RBFOX3: variants seen among roughly 807,000 people sequenced by gnomAD.
The protein encoded by RBFOX3 is RNA binding protein fox-1 homolog 3.
Under a neutral mutation model 48.7 loss-of-function variants are expected in RBFOX3, and 17 were observed. The ratio of observed to expected loss-of-function variants is 0.35; its 90% CI spans 0.24 to 0.52. The LOEUF (loss-of-function observed/expected upper bound fraction) is 0.52, where lower values mean the gene tolerates loss of function less well. Ranked by LOEUF, RBFOX3 falls within the 20% of genes least tolerant of loss-of-function variation. The pLI, the probability that RBFOX3 is intolerant of heterozygous loss-of-function variation, is 0.94. For synonymous variants in RBFOX3, 212 were observed against 209.5 expected (o/e 1.01, Z -0.10); for missense variants, 382 against 497.5 (o/e 0.77, Z 2.21).
chr17:79,452,605 C>T (rs2073737174), intron 2 of RBFOX3, among the ~76,000 whole-genome samples: 1 of 152,076 alleles, frequency 6.6e-6, no homozygotes, highest in African/African-American at 2.4e-5. Context: ...GAAGTTAGGG[C>T]CATCAGGGGA....
Position 79,479,654 on chromosome 17 carries a change from C to T in RBFOX3, c.-175+2800G>A, listed in dbSNP as rs1378651503. On this transcript the variant is annotated intron_variant, in intron 2 of 14. Coordinates refer to ENST00000693108, the MANE Select transcript of RBFOX3 (RefSeq NM_001350451.2). This position sits in a 1 kb window ranked among gnomAD's most constrained non-coding sequence, Gnocchi z 5.1. ...CCCCACCAACCCTGGACTTCCCAGA[C>T]GCTCCCTCGGGGGTGGGCTGGTCTT... is the stretch of plus-strand genomic sequence containing the variant. Among the ~76,000 whole-genome samples the T allele has an allele frequency of 3.3e-5, 5 of 152,256 alleles. No individual in the cohort carries two copies. The highest frequency in any genetic ancestry group is 7.2e-5 in the African/African-American group (3 of 41,474).
At chr17:79,137,219 C>T (rs1052108784) in intron 4 of RBFOX3, among the ~76,000 whole-genome samples, 2 of 144,980 alleles carry the variant, frequency 1.4e-5, no homozygotes, top group African/African-American at 2.6e-5. Context: ...GACATGTGCT[C>T]ACACAGACCC....
intron 1 of RBFOX3, among the ~76,000 whole-genome samples, chr17:79,486,079 G>A (rs2079548363): frequency 1.3e-5 from 2 of 152,248 alleles, no homozygotes; most frequent in Non-Finnish European, 2.9e-5. Flanking sequence ...CTCGCCCCAG[G>A]CTTGTGGCTG....
intron 2 of RBFOX3, among the ~76,000 whole-genome samples, chr17:79,371,184 G>T (rs541671201): frequency 2.9e-4 from 44 of 152,338 alleles, no homozygotes; most frequent in African/African-American, 1.0e-3. Context: ...CATGGCGAGG[G>T]GCCACAGTGG....
At chr17:79,201,040 C>T (rs2056673684) in intron 4 of RBFOX3, among the ~76,000 whole-genome samples, 1 of 152,042 alleles carries the variant, frequency 6.6e-6, no homozygotes, top group Non-Finnish European at 1.5e-5. Flanking sequence ...ACGACTCCTT[C>T]TCTCCTCTCT....
At chr17:79,433,954 T>C (rs1337548741) in intron 2 of RBFOX3, among the ~76,000 whole-genome samples, 4 of 152,174 alleles carry the variant, frequency 2.6e-5, no homozygotes, top group Non-Finnish European at 5.9e-5. Context: ...TTTGTTAACA[T>C]TGAACTCACG....
chr17:79,254,983 G>A lies in RBFOX3; in HGVS notation c.-73-19178C>T, dbSNP rs544591423. ...GCCCTGAGCCCTCTATCCTGGGCAG[G>A]AACTGTGGGTCAGAGCGGAGGGCAG... is the stretch of plus-strand genomic sequence containing the variant. On this transcript the variant is annotated intron_variant, in intron 3 of 14. Coordinates refer to ENST00000693108, the MANE Select transcript of RBFOX3 (RefSeq NM_001350451.2). This position sits in a 1 kb window ranked among gnomAD's most constrained non-coding sequence, Gnocchi z 4.8. Among the ~76,000 whole-genome samples, 3 of 152,198 alleles carry A rather than the reference G, an allele frequency of 2.0e-5. No homozygotes were observed. Among genetic ancestry groups the A allele is most frequent in the Admixed American group, 1.3e-4 (2 of 15,280 alleles).
In RBFOX3 at chr17:79,479,703, G is replaced by A. The variant is rs907180019; in HGVS notation, c.-175+2751C>T. ...TTGTACTTTCACTGTTGATGACCCCGAGGATTTACCTATTTGGGGGACACA... is the reference window on the plus strand; with the variant it reads ...TTGTACTTTCACTGTTGATGACCCCAAGGATTTACCTATTTGGGGGACACA... On this transcript the variant is annotated intron_variant, in intron 2 of 14. Coordinates refer to ENST00000693108, the MANE Select transcript of RBFOX3 (RefSeq NM_001350451.2). The surrounding 1 kb of genome is among the most constrained non-coding windows in gnomAD (Gnocchi z 5.1). 2.0e-5 allele frequency among the ~76,000 whole-genome samples: 3 copies of A among 152,164 alleles called. No individual in the cohort carries two copies. The highest frequency in any genetic ancestry group is 6.5e-5 in the Admixed American group (1 of 15,278).
chr17:79,500,083 G>C (rs1408135538), intron 1 of RBFOX3, among the ~76,000 whole-genome samples: 1 of 152,064 alleles, frequency 6.6e-6, no homozygotes, highest in Non-Finnish European at 1.5e-5. Context: ...TGCCATGGTT[G>C]GCTCCCTGGT....
chr17:79,451,491 C>T (rs2073500885), intron 2 of RBFOX3, among the ~76,000 whole-genome samples: 1 of 152,200 alleles, frequency 6.6e-6, no homozygotes, highest in Admixed American at 6.5e-5. Context: ...AATCTCTTCA[C>T]CTTGACTGCA....
intron 1 of RBFOX3, among the ~76,000 whole-genome samples, chr17:79,592,090 T>C (rs2093435630): frequency 6.6e-6 from 1 of 150,728 alleles, no homozygotes; most frequent in Non-Finnish European, 1.5e-5. Context: ...TGTGCACATA[T>C]GCATGCATGT....
intron 1 of RBFOX3, among the ~76,000 whole-genome samples, chr17:79,546,636 C>T (rs551240624): frequency 3.5e-4 from 53 of 152,016 alleles, no homozygotes; most frequent in Admixed American, 9.2e-4. Context: ...CATTCCCATC[C>T]GCCGGCATTC....
intron 4 of RBFOX3, among the ~76,000 whole-genome samples, chr17:79,209,995 T>A (rs1324524571): frequency 1.5e-3 from 44 of 28,636 alleles, no homozygotes; most frequent in Non-Finnish European, 5.5e-4. Context: ...AGACTCCATC[T>A]CAAAAAAAAA....
intron 2 of RBFOX3, among the ~76,000 whole-genome samples, chr17:79,381,027 T>C (rs927360505): frequency 6.6e-6 from 1 of 152,086 alleles, no homozygotes; most frequent in African/African-American, 2.4e-5. Flanking sequence ...TTTGAGAGGC[T>C]GAGGTGGGCG....
intron 2 of RBFOX3, among the ~76,000 whole-genome samples, chr17:79,405,076 G>C (rs1408038617): frequency 6.6e-6 from 1 of 152,148 alleles, no homozygotes; most frequent in South Asian, 2.1e-4. Context: ...TGTTCCCCAG[G>C]TCTCTCCAAA....
intron 4 of RBFOX3, among the ~76,000 whole-genome samples, chr17:79,159,845 G>T (rs887285512): frequency 6.6e-6 from 1 of 152,176 alleles, no homozygotes; most frequent in Non-Finnish European, 1.5e-5. Flanking sequence ...AGGACAGGTC[G>T]CTACTCCCAC....
the RBFOX3 span, among the ~76,000 whole-genome samples, chr17:79,618,600 G>A: frequency 6.6e-6 from 1 of 152,284 alleles, no homozygotes; most frequent in South Asian, 2.1e-4. Context: ...ACAGAAAGGA[G>A]AGGCGGGCTG....
chr17:79,167,869 C>T (rs748731691), intron 4 of RBFOX3, among the ~76,000 whole-genome samples: 1 of 152,170 alleles, frequency 6.6e-6, no homozygotes, highest in Non-Finnish European at 1.5e-5. Context: ...TCATCCGGGA[C>T]CCTCCAGGGG....
At chr17:79,137,529 C>T (rs558902502) in intron 4 of RBFOX3, among the ~76,000 whole-genome samples, 2 of 152,342 alleles carry the variant, frequency 1.3e-5, no homozygotes, top group East Asian at 3.9e-4. Context: ...CACACCTACA[C>T]ACATTTCCCA....
Sources: gnomAD v4.1 joint callset for allele counts (sites outside exome capture counted in the v4.1 genomes callset) on GRCh38, gnomAD v4.1.1 for gene constraint, Gnocchi (gnomAD v3.1) non-coding constraint, MANE v1.5 for transcripts, NCBI Gene and HGNC (gene_info 2026-07-23, HGNC 2026-07-21) for gene names.